The following ARL15 variants were observed in gnomAD, a reference collection of about 807,000 sequenced individuals.
ARL15 encodes the protein ARF like GTPase 15.
In ARL15, 19 loss-of-function variants were observed where a neutral mutation model predicts 25.2. The observed-to-expected ratio is 0.75, with a 90% CI of 0.53 to 1.10. The LOEUF (loss-of-function observed/expected upper bound fraction) is 1.10. Among genes scored for constraint, ARL15 ranks in the 50% least tolerant of loss-of-function variants. The pLI is 0.00. For synonymous variants in ARL15, 94 were observed against 86.8 expected, an observed-to-expected ratio of 1.08 and a Z score of -0.46; for missense variants, 220 against 246.0, an observed-to-expected ratio of 0.89 and a Z score of 0.71.
intron 1 of ARL15, among the ~76,000 whole-genome samples, chr5:54,231,723 A>G (rs1756676788): frequency 6.6e-6 from 1 of 152,210 alleles, no homozygotes; most frequent in Admixed American, 6.5e-5. Flanking sequence ...TCTGGCTAGC[A>G]AACCATTACT....
At chr5:54,259,377 A>G (rs1478669259) in intron 1 of ARL15, among the ~76,000 whole-genome samples, 1 of 152,214 alleles carries the variant, frequency 6.6e-6, no homozygotes, top group Non-Finnish European at 1.5e-5. Context: ...AGTAAACTGG[A>G]AAACTACAAA....
In ARL15 at chr5:53,965,941, T is replaced by C. The variant is rs182472761; in HGVS notation, c.463-79228A>G. 2.3e-4 allele frequency among the ~76,000 whole-genome samples: 35 copies of C among 152,292 alleles called. 1 individual carries two copies. In the East Asian group the frequency reaches 6.6e-3, roughly 29 times the overall value. On this transcript the variant is annotated intron_variant, in intron 4 of 4. Coordinates refer to ENST00000504924, the MANE Select transcript of ARL15 (RefSeq NM_019087.3). Reference sequence around the variant, plus strand: ...TCTTGCTCTGCAGTGTATTAAAAGGTATTAACACTTTGGATAGCTGTGATA... The same window carrying C: ...TCTTGCTCTGCAGTGTATTAAAAGGCATTAACACTTTGGATAGCTGTGATA...
At chr5:54,254,626 A>G (rs1413800910) in intron 1 of ARL15, among the ~76,000 whole-genome samples, 1 of 152,200 alleles carries the variant, frequency 6.6e-6, no homozygotes, top group Non-Finnish European at 1.5e-5. Flanking sequence ...TCAATTCCCT[A>G]GCACCTAGCC....
chr5:54,086,732 G>T (rs1187274548), intron 4 of ARL15, among the ~76,000 whole-genome samples: 1 of 151,936 alleles, frequency 6.6e-6, no homozygotes, highest in East Asian at 1.9e-4. Context: ...ATCAGAATGG[G>T]TTAAAAAAAA....
intron 4 of ARL15, among the ~76,000 whole-genome samples, chr5:54,097,059 A>G (rs1486338640): frequency 6.6e-6 from 1 of 152,164 alleles, no homozygotes; most frequent in African/African-American, 2.4e-5. Context: ...CTACCCATGG[A>G]GTAACTTATG....
chr5:54,102,718 C>T (rs1277056930), intron 4 of ARL15, among the ~76,000 whole-genome samples: 1 of 152,116 alleles, frequency 6.6e-6, no homozygotes, highest in Non-Finnish European at 1.5e-5. Context: ...TCTTTGTTCT[C>T]CTTGTCTAAA....
At chr5:54,199,354 A>G (rs1755647087) in intron 1 of ARL15, among the ~76,000 whole-genome samples, 1 of 151,734 alleles carries the variant, frequency 6.6e-6, no homozygotes, top group South Asian at 2.1e-4. Flanking sequence ...ATCAGAGTGA[A>G]CAGGCAACCC....
At chr5:53,964,238 T>C (rs1282971593) in intron 4 of ARL15, among the ~76,000 whole-genome samples, 1 of 152,254 alleles carries the variant, frequency 6.6e-6, no homozygotes, top group East Asian at 1.9e-4. Flanking sequence ...AATCAGTTAG[T>C]ATAGTATCCC....
At chr5:54,125,784 C>T (rs1579825041) in intron 3 of ARL15, among the ~76,000 whole-genome samples, 1 of 152,118 alleles carries the variant, frequency 6.6e-6, no homozygotes. Context: ...AATTGTTACA[C>T]AGCAATAGAT....
chr5:54,182,080 T>G (rs1472577997), intron 1 of ARL15, among the ~76,000 whole-genome samples: 1 of 63,992 alleles, frequency 1.6e-5, no homozygotes, highest in African/African-American at 7.1e-5. Context: ...TGCGAAAATT[T>G]TCTCCCATGT....
chr5:53,967,784 G>A (rs1747611295), intron 4 of ARL15, among the ~76,000 whole-genome samples: 1 of 152,106 alleles, frequency 6.6e-6, no homozygotes, highest in Admixed American at 6.6e-5. Context: ...ATGGAATGCT[G>A]GGGAACATCA....
At chr5:53,940,826 C>T (rs1319727904) in intron 4 of ARL15, among the ~76,000 whole-genome samples, 1 of 152,170 alleles carries the variant, frequency 6.6e-6, no homozygotes, top group African/African-American at 2.4e-5. Flanking sequence ...TAGCAAATAG[C>T]TTAATGATCA....
chr5:53,973,970 TA>T (rs565810545), intron 4 of ARL15, among the ~76,000 whole-genome samples: 4 of 149,598 alleles, frequency 2.7e-5, no homozygotes, highest in South Asian at 2.1e-4. Context: ...GCCCTGTCAT[TA>T]AAAAAAAACA....
intron 4 of ARL15, among the ~76,000 whole-genome samples, chr5:53,930,816 A>T (rs1480479726): frequency 6.6e-6 from 1 of 152,216 alleles, no homozygotes; most frequent in Admixed American, 6.5e-5. Flanking sequence ...ATTAAGCTGT[A>T]TATATACCAA....
chr5:53,929,240 AAATTAGGGT>A (rs1304292337), intron 4 of ARL15, among the ~76,000 whole-genome samples: 7 of 152,154 alleles, frequency 4.6e-5, no homozygotes, highest in Non-Finnish European at 1.0e-4. Flanking sequence ...CAGAGGGAGG[AAATTAGGGT>A]AAATATTATT....
intron 1 of ARL15, among the ~76,000 whole-genome samples, chr5:54,206,112 T>C (rs1371813583): frequency 6.6e-6 from 1 of 152,202 alleles, no homozygotes; most frequent in Non-Finnish European, 1.5e-5. Context: ...ATAGATTATA[T>C]TGATCTGGCC....
intron 1 of ARL15, among the ~76,000 whole-genome samples, chr5:54,175,939 ACTGAGCCTGGTCT>A (rs1754858713): frequency 6.6e-6 from 1 of 152,164 alleles, no homozygotes; most frequent in African/African-American, 2.4e-5. Context: ...CACGTGAGCC[ACTGAGCCTGGTCT>A]CTCTTCCCTT....
At chr5:54,112,532 A>C (rs144307324) in intron 4 of ARL15, among the ~76,000 whole-genome samples, 51 of 152,336 alleles carry the variant, frequency 3.3e-4, no homozygotes, top group African/African-American at 1.2e-3. Flanking sequence ...GTTATAATTC[A>C]CTATAATTTA....
Position 53,924,353 on chromosome 5 carries a change from C to A in ARL15, c.463-37640G>T, listed in dbSNP as rs546583465. ...CCAATTTTGTTGATTACTTTTCAAG[C>A]CTTTCTTAGTGTTACTTTAATTATT... is the stretch of plus-strand genomic sequence containing the variant. On this transcript the variant is annotated intron_variant, in intron 4 of 4. Coordinates refer to ENST00000504924, the MANE Select transcript of ARL15 (RefSeq NM_019087.3). Among the ~76,000 whole-genome samples the A allele has an allele frequency of 3.3e-5, 5 of 152,308 alleles. No individual in the cohort carries two copies. In the South Asian group the frequency reaches 8.3e-4, roughly 25 times the overall value.
Sources: allele counts gnomAD v4.1 joint callset (sites outside exome capture counted in the v4.1 genomes callset), GRCh38; gene constraint gnomAD v4.1.1; transcripts MANE v1.5; gene names NCBI Gene and HGNC (gene_info 2026-07-23, HGNC 2026-07-21).